Variants in SLC20A2 observed in about 807,000 individuals in gnomAD.
SLC20A2 encodes the protein sodium-dependent phosphate transporter 2.
In SLC20A2, 30 loss-of-function variants were observed where a neutral mutation model predicts 61.0. The observed-to-expected ratio is 0.49, with a 90% CI of 0.37 to 0.67. The LOEUF is 0.67. SLC20A2 is among the 30% of genes least tolerant of loss of function. The pLI is 0.00. For missense variants in SLC20A2, 626 were observed against 866.4 expected, an observed-to-expected ratio of 0.72 and a Z score of 3.48; for synonymous variants, 351 against 353.3, an observed-to-expected ratio of 0.99 and a Z score of 0.07.
At chr8:42,436,900 G>A (rs991964807) in intron 8 of SLC20A2, 89 bp downstream of exon 8, 10 of 1,226,166 alleles carry the variant, frequency 8.2e-6, no homozygotes, top group South Asian at 3.0e-5. Context: ...CATCGGTGCC[G>A]TTCACTGCTG....
chr8:42,526,319 T>C (rs77063100), intron 1 of SLC20A2, among the ~76,000 whole-genome samples: 3,096 of 151,310 alleles, frequency 0.02, 106 homozygotes, highest in African/African-American at 0.071. Flanking sequence ...TTCTACAAAA[T>C]ATCTGACTGG....
chr8:42,418,734 T>C (rs1360525068), intron 10 of SLC20A2, among the ~76,000 whole-genome samples: 1 of 150,242 alleles, frequency 6.7e-6, no homozygotes, highest in African/African-American at 2.4e-5. Flanking sequence ...CGCGGTGGCT[T>C]CCGCCTGTAA....
In SLC20A2 at chr8:42,416,623, G is replaced by A. The variant is rs542706222; in HGVS notation, c.*1180C>T. 3.9e-5 allele frequency: 6 copies of A among 152,504 alleles called. No individual in the cohort carries two copies. In the East Asian group the frequency reaches 5.8e-4, roughly 15 times the overall value. The allele number at this position is 152,504 out of a possible 1,614,324, so 9.4% of individuals were successfully genotyped here. The stretch of plus-strand genomic sequence containing the variant: ...ACATTAGTCGTACTTCCTCCCTCCC[G>A]CTATCAAAAAAAGAAGAGACTCCAA... On this transcript the variant is annotated 3_prime_UTR_variant, in exon 11 of 11. Transcript: ENST00000520262.
At chr8:42,451,264 AGAG>A (rs1805612174) in intron 5 of SLC20A2, among the ~76,000 whole-genome samples, 2 of 151,452 alleles carry the variant, frequency 1.3e-5, no homozygotes, top group African/African-American at 2.4e-5. Context: ...AACAGGAAGA[AGAG>A]GAGGAGGACA....
chr8:42,438,063 C>CAGAAA (rs1804454985), intron 7 of SLC20A2, among the ~76,000 whole-genome samples: 1 of 26,810 alleles, frequency 3.7e-5, no homozygotes, highest in South Asian at 2.2e-3. Context: ...AAAAAAAAAC[C>CAGAAA]AAAAAAAAAA....
chr8:42,535,787 G>A (rs182396366), intron 1 of SLC20A2, among the ~76,000 whole-genome samples: 10 of 152,156 alleles, frequency 6.6e-5, no homozygotes, highest in African/African-American at 1.9e-4. Flanking sequence ...ACTGATGTCC[G>A]GGGCCTGTGG....
intron 1 of SLC20A2, among the ~76,000 whole-genome samples, chr8:42,532,315 T>G (rs924887224): frequency 2.6e-5 from 4 of 152,204 alleles, no homozygotes; most frequent in Non-Finnish European, 5.9e-5. Context: ...AAATTAACAA[T>G]GAGTCCTTTT....
At chr8:42,523,236 A>T (rs778822569) in intron 1 of SLC20A2, among the ~76,000 whole-genome samples, 175 of 152,298 alleles carry the variant, frequency 1.1e-3, no homozygotes, top group Non-Finnish European at 1.9e-3. Flanking sequence ...AGGTTGAGGC[A>T]GGAGAATCGC....
At chr8:42,425,370 CAT>C (rs1803330585) in intron 10 of SLC20A2, among the ~76,000 whole-genome samples, 1 of 152,206 alleles carries the variant, frequency 6.6e-6, no homozygotes, top group African/African-American at 2.4e-5. Flanking sequence ...CCACAGCTCT[CAT>C]AGTTCATCCC....
chr8:42,480,898 T>C (rs1329634620), intron 1 of SLC20A2, among the ~76,000 whole-genome samples: 1 of 152,190 alleles, frequency 6.6e-6, no homozygotes, highest in African/African-American at 2.4e-5. Flanking sequence ...TGGACTCAAC[T>C]GATTCTCCCG....
rs1339636964 is a variant in SLC20A2 at position 42,439,523 on chromosome 8, G to A, written c.861C>T (p.Leu287=). 1 of 1,614,104 alleles carries A rather than the reference G, an allele frequency of 6.2e-7. No individual in the cohort carries two copies. The highest frequency in any genetic ancestry group is 1.3e-5 in the African/African-American group (1 of 74,932). The change falls in exon 7 of 11, where the codon CTC becomes CTT. Residue 287 remains leucine (L), a synonymous_variant. Transcript: ENST00000520262. The part of the protein sequence containing the change: ...AKANDDSTIP[L]TGAAGETLGT... ...CCAGTGTCTCCCCTGCTGCTCCCGT[G>A]AGCGGGATGGTGCTGTCATCATTAG... is the stretch of plus-strand genomic sequence containing the variant.
Position 42,445,846 on chromosome 8 carries a change from C to T in SLC20A2, c.614-1084G>A, listed in dbSNP as rs147390927. ...CTGCCATCTGGACACTGCCTGGCTC[C>T]GCAACTGAGGCCTCTCCTAGTTCCT... On this transcript the variant is annotated intron_variant, in intron 5 of 10. Coordinates refer to ENST00000520262, the MANE Select transcript of SLC20A2 (RefSeq NM_001257180.2). 9.8e-3 allele frequency among the ~76,000 whole-genome samples: 1,489 copies of T among 152,340 alleles called. 30 individuals carry two copies. Among genetic ancestry groups the T allele is most frequent in the African/African-American group, 0.033 (1,358 of 41,564 alleles).
intron 1 of SLC20A2, among the ~76,000 whole-genome samples, chr8:42,523,376 T>A (rs1310179006): frequency 6.6e-6 from 1 of 152,134 alleles, no homozygotes; most frequent in Admixed American, 6.6e-5. Context: ...ATAAATTGCA[T>A]ATTTTAACAG....
chr8:42,455,251 TATATATAGAG>T (rs1283622594), intron 5 of SLC20A2, among the ~76,000 whole-genome samples: 7 of 95,108 alleles, frequency 7.4e-5, no homozygotes, highest in Non-Finnish European at 9.2e-5. Flanking sequence ...AATATATATA[TATATATAGAG>T]AGAGAGAGAG....
intron 5 of SLC20A2, among the ~76,000 whole-genome samples, chr8:42,453,908 A>C (rs1482379023): frequency 6.6e-6 from 1 of 152,248 alleles, no homozygotes. Context: ...GTAACAAAAC[A>C]GCCTCTAACA....
chr8:42,470,581 T>C (rs1807553602), intron 2 of SLC20A2, among the ~76,000 whole-genome samples: 2 of 152,118 alleles, frequency 1.3e-5, no homozygotes, highest in African/African-American at 4.8e-5. Flanking sequence ...GAATATGCAA[T>C]TCCTTAGTAC....
At chr8:42,422,040 G>T (rs77913065) in intron 10 of SLC20A2, among the ~76,000 whole-genome samples, 3,017 of 152,170 alleles carry the variant, frequency 0.02, 77 homozygotes, top group South Asian at 0.11. Flanking sequence ...TGGTCCTGCT[G>T]AAAGGTTCTT....
chr8:42,454,987 A>C (rs536223851), intron 5 of SLC20A2, among the ~76,000 whole-genome samples: 26 of 151,842 alleles, frequency 1.7e-4, no homozygotes, highest in African/African-American at 6.3e-4. Flanking sequence ...GCACTTTGGG[A>C]GGCCGAGGTG....
intron 1 of SLC20A2, among the ~76,000 whole-genome samples, chr8:42,479,735 G>C (rs1808416734): frequency 6.6e-6 from 1 of 152,146 alleles, no homozygotes; most frequent in Non-Finnish European, 1.5e-5. Flanking sequence ...TGAGGCAGGA[G>C]CATCACTTGA....
Sources: gnomAD v4.1 joint callset for allele counts (sites outside exome capture counted in the v4.1 genomes callset) on GRCh38, gnomAD v4.1.1 for gene constraint, MANE v1.5 for transcripts, NCBI Gene and HGNC (gene_info 2026-07-23, HGNC 2026-07-21) for gene names.